The following IRS1 variants were observed in gnomAD, a reference collection of about 807,000 sequenced individuals.
IRS1 encodes the protein insulin receptor substrate 1.
Under a neutral mutation model 65.6 loss-of-function variants are expected in IRS1, and 34 were observed. The ratio of observed to expected loss-of-function variants is 0.52; its 90% confidence interval spans 0.39 to 0.69. The LOEUF (loss-of-function observed/expected upper bound fraction) is 0.69. Ranked by LOEUF, IRS1 falls within the 30% of genes least tolerant of loss-of-function variation. The pLI, the probability that IRS1 is intolerant of heterozygous loss-of-function variation, is 0.00. For missense variants in IRS1, 1,641 were observed against 1,720.2 expected (o/e 0.95, Z 0.81); for synonymous variants, 699 against 683.5 (o/e 1.02, Z -0.35).
Position 226,795,162 on chromosome 2 carries a change from G to T in IRS1, c.3577C>A (p.Gln1193Lys). Residue 1193 changes from glutamine (Q) to lysine (K), a missense_variant, in exon 1 of 2, where the codon CAG becomes AAG. Coordinates refer to ENST00000305123, the MANE Select transcript of IRS1 (RefSeq NM_005544.3). ...DLVKDFKQCP[Q>K]ECTPEPQPPP... ...GGCTGCGGTTCAGGGGTGCACTCCT[G>T]AGGGCACTGTTTGAAGTCCTTGACC... The T allele has an allele frequency of 6.2e-7, 1 of 1,613,888 alleles. No homozygotes were observed. Among genetic ancestry groups the T allele is most frequent in the Non-Finnish European group, 8.5e-7 (1 of 1,180,004 alleles).
At chr2:226,741,807 AC>A (rs1408209886) in intron 1 of IRS1, among the ~76,000 whole-genome samples, 1 of 148,916 alleles carries the variant, frequency 6.7e-6, no homozygotes, top group African/African-American at 2.5e-5. Flanking sequence ...ACACACACAC[AC>A]ACACACACAC....
Position 226,795,991 on chromosome 2 carries a change from G to A in IRS1, c.2748C>T (p.His916=). The change falls in exon 1 of 2, where the codon CAC becomes CAT. Residue 916 remains histidine (H), a synonymous_variant. Coordinates refer to ENST00000305123, the MANE Select transcript of IRS1 (RefSeq NM_005544.3). ...SGYLSGPVAF[H]SSPSVRCPSQ... ...ATGGACACCTGACAGAAGGTGAGCT[G>A]TGGAAAGCCACCGGGCCAGACAAGT... 1 of 1,614,190 alleles carries A rather than the reference G, an allele frequency of 6.2e-7. No homozygotes were observed. Among genetic ancestry groups the A allele is most frequent in the East Asian group, 2.2e-5 (1 of 44,892 alleles).
At chr2:226,747,844 G>A (rs1041293831) in intron 1 of IRS1, among the ~76,000 whole-genome samples, 4 of 152,098 alleles carry the variant, frequency 2.6e-5, no homozygotes, top group African/African-American at 9.7e-5. Context: ...GGCAATGTCT[G>A]CAGGTATTTC....
At chr2:226,750,206 G>T (rs1394027589) in intron 1 of IRS1, among the ~76,000 whole-genome samples, 2 of 143,884 alleles carry the variant, frequency 1.4e-5, no homozygotes, top group South Asian at 2.1e-4. Flanking sequence ...CCAAGGTCAC[G>T]CCATTGCATT....
Position 226,796,476 on chromosome 2 carries a change from C to T in IRS1, c.2263G>A (p.Asp755Asn). The T allele has an allele frequency of 3.7e-6, 6 of 1,613,772 alleles. No homozygotes were observed. Among genetic ancestry groups the T allele is most frequent in the Non-Finnish European group, 2.5e-6 (3 of 1,180,034 alleles). The stretch of plus-strand genomic sequence containing the variant: ...GAGAGGACTGGCTTGTGCTGGGGGT[C>T]CTCAGGGCCGTAGTAGCAGTCGGAG... Reference protein sequence around the residue: ...SPSDCYYGPEDPQHKPVLSYY... With the variant: ...SPSDCYYGPENPQHKPVLSYY... Residue 755 changes from aspartate (D) to asparagine (N), a missense_variant, in exon 1 of 2, where the codon GAC (aspartate) becomes AAC (asparagine). This residue lies in a region of IRS1 where 1,324 missense variants were observed against 1,361.0 expected (regional missense o/e 0.97). Transcript: ENST00000305123.
In IRS1 at chr2:226,795,708, T is replaced by C. The variant is rs1939703964; in HGVS notation, c.3031A>G (p.Ser1011Gly). The C allele has an allele frequency of 1.2e-6, 2 of 1,613,286 alleles. No homozygotes were observed. The highest frequency in any genetic ancestry group is 1.7e-6 in the Non-Finnish European group (2 of 1,180,014). ...ATGCCTGTTCGCATGTCAGCATAGC[T>C]TACAGGGGCAGCTGGCGAGGTGTCC... is the stretch of plus-strand genomic sequence containing the variant. ...YVDTSPAAPV[S>G]YADMRTGIAA... Residue 1011 changes from serine to glycine, a missense_variant, in exon 1 of 2, where the codon AGC becomes GGC. Coordinates refer to ENST00000305123, the MANE Select transcript of IRS1 (RefSeq NM_005544.3).
At position 226,747,534 on chromosome 2, in the gene IRS1, T is replaced by C. The variant is rs151139531; in HGVS notation, c.*22-11284A>G. On this transcript the variant is annotated intron_variant, in intron 1 of 1. Transcript: ENST00000305123. ...TCTTGGACTTACCCGCCTCCAGAAC[T>C]GTGAGAAATAAATGTGTGTTGTTTA... Among the ~76,000 whole-genome samples the C allele has an allele frequency of 3.2e-3, 482 of 152,220 alleles. 8 individuals are homozygous for C. Among genetic ancestry groups the C allele is most frequent in the Admixed American group, 0.027 (418 of 15,300 alleles).
intron 1 of IRS1, among the ~76,000 whole-genome samples, chr2:226,785,889 C>T (rs1236342046): frequency 7.7e-6 from 1 of 130,386 alleles, no homozygotes; most frequent in African/African-American, 2.9e-5. Flanking sequence ...GCTATCCCTC[C>T]CCCCTCCCCC....
chr2:226,761,843 A>G (rs1025917428), intron 1 of IRS1, among the ~76,000 whole-genome samples: 3 of 152,236 alleles, frequency 2.0e-5, no homozygotes, highest in East Asian at 1.9e-4. Flanking sequence ...TGACAAAGCC[A>G]TAAGTACAGA....
rs766694605 is a variant in IRS1, at chr2:226,798,015, C to T, written c.724G>A (p.Asp242Asn). ...GPGEFWMQVD[D>N]SVVAQNMHET... ...TGCATGTTCTGGGCCACCACAGAGT[C>T]ATCCACCTGCATCCAGAACTCCCCG... Residue 242 changes from aspartate to asparagine, a missense_variant, in exon 1 of 2, where the codon GAC (aspartate) becomes AAC (asparagine). By Grantham distance (23) the Asp-to-Asn change is conservative. Coordinates refer to ENST00000305123, the MANE Select transcript of IRS1 (RefSeq NM_005544.3). The surrounding 1 kb of genome is among the most constrained non-coding windows in gnomAD (Gnocchi z 9.4). 6.2e-7 allele frequency: 1 copy of T among 1,614,106 alleles called. No homozygotes were observed. The highest frequency in any genetic ancestry group is 8.5e-7 in the Non-Finnish European group (1 of 1,180,016).
At chr2:226,790,468 A>C (rs1329485887) in intron 1 of IRS1, among the ~76,000 whole-genome samples, 3 of 152,234 alleles carry the variant, frequency 2.0e-5, no homozygotes, top group Non-Finnish European at 4.4e-5. Flanking sequence ...ATTTATTTTT[A>C]CTATAAAAAG....
chr2:226,760,795 A>T (rs1212256084), intron 1 of IRS1, among the ~76,000 whole-genome samples: 1 of 152,210 alleles, frequency 6.6e-6, no homozygotes. Context: ...TAAAAAATTG[A>T]ATTATGTACT....
Position 226,734,615 on chromosome 2 carries a change from C to T in IRS1, c.*1657G>A, listed in dbSNP as rs762048812. ...GCGTTCAGAGAAATAAAATGTTGCT[C>T]CTCCCAATAGTAGGGATGCGAATTC... is the stretch of plus-strand genomic sequence containing the variant. On this transcript the variant is annotated 3_prime_UTR_variant, in exon 2 of 2. Coordinates refer to ENST00000305123, the MANE Select transcript of IRS1 (RefSeq NM_005544.3). The T allele has an allele frequency of 2.6e-5, 4 of 152,154 alleles. No homozygotes were observed. Among genetic ancestry groups the T allele is most frequent in the Non-Finnish European group, 5.9e-5 (4 of 68,036 alleles). The allele number at this position is 152,154 out of a possible 1,614,324, so 9.4% of individuals were successfully genotyped here.
At chr2:226,785,970 A>G (rs752246010) in intron 1 of IRS1, among the ~76,000 whole-genome samples, 2 of 132,966 alleles carry the variant, frequency 1.5e-5, no homozygotes, top group Non-Finnish European at 3.1e-5. Flanking sequence ...TTCAATTCCC[A>G]CCTATGAGTG....
At chr2:226,743,476 C>T (rs111579587) in intron 1 of IRS1, among the ~76,000 whole-genome samples, 9,835 of 152,188 alleles carry the variant, frequency 0.065, 511 homozygotes, top group African/African-American at 0.14. Context: ...GTGATCCACC[C>T]GCCTCGGCCT....
chr2:226,759,665 A>G (rs1275515224), intron 1 of IRS1, among the ~76,000 whole-genome samples: 1 of 152,268 alleles, frequency 6.6e-6, no homozygotes, highest in Non-Finnish European at 1.5e-5. Context: ...AATGGAAAAC[A>G]ATGAAAACTT....
At chr2:226,748,724 A>G (rs1938609322) in intron 1 of IRS1, among the ~76,000 whole-genome samples, 1 of 152,200 alleles carries the variant, frequency 6.6e-6, no homozygotes, top group African/African-American at 2.4e-5. Context: ...TCTGTGTTTA[A>G]AATGTCTTCT....
intron 1 of IRS1, among the ~76,000 whole-genome samples, chr2:226,757,807 C>A (rs1029959085): frequency 6.6e-6 from 1 of 152,130 alleles, no homozygotes; most frequent in African/African-American, 2.4e-5. Flanking sequence ...CTTTGCTATT[C>A]ACAAAGCATT....
At position 226,798,088 on chromosome 2, in the gene IRS1, C is replaced by G. The variant is rs1264972401; in HGVS notation, c.651G>C (p.Ser217=). Residue 217 remains serine, a synonymous_variant, in exon 1 of 2, where the codon TCG becomes TCC. Coordinates refer to ENST00000305123, the MANE Select transcript of IRS1 (RefSeq NM_005544.3). This position sits in a 1 kb window ranked among gnomAD's most constrained non-coding sequence, Gnocchi z 9.4. The part of the protein sequence containing the change: ...QLMNIRRCGH[S]ENFFFIEVGR... ...CCACCTCGATGAAGAAGAAGTTTTCCGAGTGGCCACAGCGCCTGATGTTCA... is the reference window on the plus strand; with the variant it reads ...CCACCTCGATGAAGAAGAAGTTTTCGGAGTGGCCACAGCGCCTGATGTTCA... The G allele has an allele frequency of 1.2e-6, 2 of 1,613,892 alleles. No individual in the cohort carries two copies. Among genetic ancestry groups the G allele is most frequent in the Non-Finnish European group, 1.7e-6 (2 of 1,180,014 alleles).
Sources: allele counts gnomAD v4.1 joint callset (sites outside exome capture counted in the v4.1 genomes callset), GRCh38; gene constraint gnomAD v4.1.1; regional missense constraint gnomAD v4.1.1; non-coding constraint Gnocchi (gnomAD v3.1); transcripts MANE v1.5; gene names NCBI Gene and HGNC (gene_info 2026-07-23, HGNC 2026-07-21).